The following RXFP1 variants were observed in gnomAD, a reference collection of about 807,000 sequenced individuals.
RXFP1 encodes relaxin receptor 1.
In RXFP1, 73 loss-of-function variants were observed where a neutral mutation model predicts 89.8. That is an observed-to-expected ratio of 0.81 (90% CI 0.67 to 0.99). RXFP1 has a LOEUF of 0.99. RXFP1 is among the 50% of genes least tolerant of loss of function. The pLI, the probability that RXFP1 is intolerant of heterozygous loss-of-function variation, is 0.00. For missense variants in RXFP1, 793 were observed against 895.5 expected, an observed-to-expected ratio of 0.89 and a Z score of 1.46; for synonymous variants, 277 against 305.5, an observed-to-expected ratio of 0.91 and a Z score of 0.97.
chr4:158,544,229 G>A (rs1407579529), intron 1 of RXFP1: 1 of 985,202 alleles, frequency 1.0e-6, no homozygotes, highest in East Asian at 1.1e-4. Context: ...CAATATGTCT[G>A]TTGAGAAATA....
chr4:158,638,386 G>C (rs1769643485), intron 13 of RXFP1, among the ~76,000 whole-genome samples: 1 of 151,966 alleles, frequency 6.6e-6, no homozygotes, highest in Non-Finnish European at 1.5e-5. Context: ...TTAACACTGG[G>C]TATTTTATAA....
At chr4:158,595,224 A>G (rs1432268552) in intron 3 of RXFP1, among the ~76,000 whole-genome samples, 4 of 152,210 alleles carry the variant, frequency 2.6e-5, no homozygotes, top group African/African-American at 7.2e-5. Flanking sequence ...TGTACAACTT[A>G]TATCACTCCC....
chr4:158,522,136 A>T, intron 1 of RXFP1, 111 bp downstream of exon 1: 1 of 633,574 alleles, frequency 1.6e-6, no homozygotes, highest in Non-Finnish European at 2.7e-6. Flanking sequence ...GCACTTGCTG[A>T]TAAAATTGTA....
intron 11 of RXFP1, among the ~76,000 whole-genome samples, chr4:158,632,652 G>C (rs1318598034): frequency 6.6e-6 from 1 of 152,114 alleles, no homozygotes; most frequent in Non-Finnish European, 1.5e-5. Context: ...ACATGAGATG[G>C]CATGCAAAGT....
chr4:158,649,003 C>T (rs560174340), intron 17 of RXFP1, among the ~76,000 whole-genome samples: 1 of 152,218 alleles, frequency 6.6e-6, no homozygotes. Context: ...GTCCCAACTA[C>T]TCAGGAGGCT....
chr4:158,529,722 C>T (rs964018910), intron 1 of RXFP1, among the ~76,000 whole-genome samples: 1 of 152,152 alleles, frequency 6.6e-6, no homozygotes, highest in African/African-American at 2.4e-5. Context: ...CTCTTTCTCC[C>T]TTAGCGCTTA....
rs1768501438 is a variant in RXFP1, at chr4:158,633,424, A to G, written c.919A>G (p.Ile307Val). 6.3e-7 allele frequency: 1 copy of G among 1,598,762 alleles called. No homozygotes were observed. The highest frequency in any genetic ancestry group is 8.6e-7 in the Non-Finnish European group (1 of 1,167,574). ...CTCCAGGGATTTAGGAAGTAATAAGATTGAAAATCTTCCACCGCTTATATT... is the reference window on the plus strand; with the variant it reads ...CTCCAGGGATTTAGGAAGTAATAAGGTTGAAAATCTTCCACCGCTTATATT... ...LDELDLGSNK[I>V]ENLPPLIFKD... is the part of the protein sequence containing the mutation. The change falls in exon 12 of 18, where the codon ATT becomes GTT. Residue 307 changes from isoleucine to valine, a missense_variant. Ile to Val is a conservative substitution (Grantham distance 29). Transcript: ENST00000307765.
intron 11 of RXFP1, 104 bp from the exon 12 acceptor site, chr4:158,633,301 C>T: frequency 1.4e-6 from 1 of 700,644 alleles, no homozygotes; most frequent in Non-Finnish European, 2.5e-6. Context: ...TATAACTCAC[C>T]AATGGCATTG....
At chr4:158,555,791 CT>C (rs1356526209) in intron 1 of RXFP1, among the ~76,000 whole-genome samples, 6 of 152,154 alleles carry the variant, frequency 3.9e-5, no homozygotes, top group Non-Finnish European at 1.5e-5. Flanking sequence ...TCAAATATTT[CT>C]GAGTTTTGAC....
chr4:158,596,471 G>T (rs898881783), intron 3 of RXFP1, among the ~76,000 whole-genome samples: 1 of 151,910 alleles, frequency 6.6e-6, no homozygotes, highest in South Asian at 2.1e-4. Flanking sequence ...CGTTGGTCAG[G>T]CTGGTCTTGA....
intron 9 of RXFP1, among the ~76,000 whole-genome samples, chr4:158,623,502 CAAAAAAAA>C (rs56692438): frequency 1.2e-4 from 5 of 42,604 alleles, no homozygotes; most frequent in African/African-American, 3.5e-4. Flanking sequence ...AACTCCATCT[CAAAAAAAA>C]AAAAAAAAAA....
At chr4:158,649,996 A>G (rs936485818) in intron 17 of RXFP1, among the ~76,000 whole-genome samples, 1 of 152,258 alleles carries the variant, frequency 6.6e-6, no homozygotes, top group Non-Finnish European at 1.5e-5. Context: ...ACAAATGTCC[A>G]TAGATTGGTA....
chr4:158,567,648 G>A (rs796299390), intron 1 of RXFP1, among the ~76,000 whole-genome samples: 2 of 152,086 alleles, frequency 1.3e-5, no homozygotes, highest in African/African-American at 4.8e-5. Context: ...TCTAGCTCAG[G>A]GTTTGTAAAT....
intron 12 of RXFP1, among the ~76,000 whole-genome samples, chr4:158,636,478 C>T (rs1769182878): frequency 6.6e-6 from 1 of 152,114 alleles, no homozygotes; most frequent in Non-Finnish European, 1.5e-5. Context: ...GCCTTCATGC[C>T]TATGTTTTAT....
intron 14 of RXFP1, among the ~76,000 whole-genome samples, chr4:158,641,140 T>C (rs1770296630): frequency 6.6e-6 from 1 of 152,248 alleles, no homozygotes; most frequent in South Asian, 2.1e-4. Flanking sequence ...GAAAGATGGC[T>C]TATAAAAGAT....
At position 158,651,757 on chromosome 4, in the gene RXFP1, G is replaced by T. The variant is rs377005822; in HGVS notation, c.1976G>T (p.Gly659Val). Residue 659 changes from glycine to valine, a missense_variant and splice_region_variant, in exon 18 of 18, where the codon GGT (glycine) becomes GTT (valine). Transcript: ENST00000307765. Reference sequence around the variant, plus strand: ...AAACTATTTCATTTTTCTTTTTTAGGTACCATAACCTCTTGGGTAGTGATT... The same window carrying T: ...AAACTATTTCATTTTTCTTTTTTAGTTACCATAACCTCTTGGGTAGTGATT... ...FLSLLQVEIPGTITSWVVIFI... is the reference protein window; with the variant it reads ...FLSLLQVEIPVTITSWVVIFI... 1.9e-6 allele frequency: 3 copies of T among 1,584,386 alleles called. No homozygotes were observed. Among genetic ancestry groups the T allele is most frequent in the Non-Finnish European group, 2.6e-6 (3 of 1,166,864 alleles).
At position 158,652,223 on chromosome 4, in the gene RXFP1, G is replaced by A. The variant is rs1270744650; in HGVS notation, c.*168G>A. ...ATGACTAATGCTCTTACAAAGGGAA[G>A]TAATTATATCAATAATGTATATATA... On this transcript the variant is annotated 3_prime_UTR_variant, in exon 18 of 18. Coordinates refer to ENST00000307765, the MANE Select transcript of RXFP1 (RefSeq NM_021634.4). The A allele has an allele frequency of 3.6e-6, 2 of 558,026 alleles. No individual in the cohort carries two copies. 34.6% of individuals were successfully genotyped at this position (558,026 alleles called of 1,614,324 possible). A position where few individuals can be genotyped will look rare whatever the true frequency, so the allele number is the denominator to read the frequency against.
At chr4:158,542,100 TA>T (rs67216582) in intron 1 of RXFP1, among the ~76,000 whole-genome samples, 2,651 of 45,638 alleles carry the variant, frequency 0.058, 334 homozygotes, top group South Asian at 0.1. Context: ...TATATATATA[TA>T]TATATATATT....
intron 1 of RXFP1, among the ~76,000 whole-genome samples, chr4:158,571,523 G>A (rs1461747597): frequency 5.3e-5 from 8 of 152,186 alleles, no homozygotes; most frequent in South Asian, 2.1e-4. Flanking sequence ...AAAATTAGGC[G>A]TGGTGGTGCA....
Sources: gnomAD v4.1 joint callset for allele counts (sites outside exome capture counted in the v4.1 genomes callset) on GRCh38, gnomAD v4.1.1 for gene constraint, MANE v1.5 for transcripts, NCBI Gene and HGNC (gene_info 2026-07-23, HGNC 2026-07-21) for gene names.